Variants in ATG4B observed in about 807,000 individuals in gnomAD.
The protein encoded by ATG4B is cysteine protease ATG4B.
A neutral mutation model predicts 56.6 loss-of-function variants in ATG4B; 29 were observed. The ratio of observed to expected loss-of-function variants is 0.51; its 90% confidence interval spans 0.38 to 0.70. The LOEUF (loss-of-function observed/expected upper bound fraction) is 0.70, where lower values mean the gene tolerates loss of function less well. Among genes scored for constraint, ATG4B ranks in the 30% least tolerant of loss-of-function variants. The probability of loss-of-function intolerance (pLI) is 0.00; values close to 1 mark genes in which losing one functional copy is unlikely to be tolerated. For missense variants in ATG4B, 461 were observed against 515.5 expected (o/e 0.89, Z 1.02); for synonymous variants, 224 against 206.1 (o/e 1.09, Z -0.74).
intron 7 of ATG4B, among the ~76,000 whole-genome samples, chr2:241,663,454 A>C (rs1250119486): frequency 6.6e-6 from 1 of 152,198 alleles, no homozygotes. Context: ...TGCTGCCTGG[A>C]AATGTGAAAC....
chr2:241,670,663 C>T lies in ATG4B; in HGVS notation c.958-63C>T, dbSNP rs376210575. On this transcript the variant is annotated intron_variant, in intron 10 of 12. Coordinates refer to ENST00000404914, the MANE Select transcript of ATG4B (RefSeq NM_013325.5). ...CGCCACTGGCAGTGGGAATGGAAGC[C>T]CCCACCTCTTAGCCGACTGCAGATG... is the stretch of plus-strand genomic sequence containing the variant. 6 of 1,456,970 alleles carry T rather than the reference C, an allele frequency of 4.1e-6. No homozygotes were observed. In the African/African-American group the frequency reaches 8.4e-5, roughly 20 times the overall value. The allele number at this position is 1,456,970 out of a possible 1,614,324, so 90.3% of individuals were successfully genotyped here.
intron 11 of ATG4B, among the ~76,000 whole-genome samples, 162 bp from the exon 12 acceptor site, chr2:241,671,150 A>G (rs1190064668): frequency 6.6e-6 from 1 of 152,164 alleles, no homozygotes; most frequent in African/African-American, 2.4e-5. Flanking sequence ...TGATCACCAC[A>G]CTGGGTTCTC....
chr2:241,642,509 A>G (rs1343423048), intron 1 of ATG4B, among the ~76,000 whole-genome samples: 1 of 152,070 alleles, frequency 6.6e-6, no homozygotes, highest in African/African-American at 2.4e-5. Flanking sequence ...ATAACTTCTA[A>G]GTGTTTTAGG....
At chr2:241,660,033 T>C (rs865826793) in intron 7 of ATG4B, among the ~76,000 whole-genome samples, 18 of 151,942 alleles carry the variant, frequency 1.2e-4, no homozygotes, top group African/African-American at 3.9e-4. Flanking sequence ...CTACTAAAAA[T>C]ACAGAAACTA....
chr2:241,663,829 G>C (rs62190289), intron 7 of ATG4B, among the ~76,000 whole-genome samples: 5,304 of 143,144 alleles, frequency 0.037, 315 homozygotes, highest in African/African-American at 0.13. Flanking sequence ...TTTTTTTTTG[G>C]AACAGTTCTG....
chr2:241,651,312 A>G lies in ATG4B; in HGVS notation c.161A>G (p.Tyr54Cys). 1 of 1,601,506 alleles carries G rather than the reference A, an allele frequency of 6.2e-7. No homozygotes were observed. Among genetic ancestry groups the G allele is most frequent in the Non-Finnish European group, 8.5e-7 (1 of 1,173,508 alleles). Residue 54 changes from tyrosine (Y) to cysteine (C), a missense_variant, in exon 3 of 13, where the codon TAC (tyrosine) becomes TGC (cysteine). By Grantham distance (194) the Tyr-to-Cys change is radical (BLOSUM62 -2). Transcript: ENST00000404914. This position sits in a 1 kb window ranked among gnomAD's most constrained non-coding sequence, Gnocchi z 4.1. ...GTGGCATCTAGACTTTGGTTTACAT[A>G]CAGGAAAAACTTTCCAGCCATTGGT... ...SDVASRLWFT[Y>C]RKNFPAIGGT...
At chr2:241,650,778 C>T (rs1190160561) in intron 1 of ATG4B, among the ~76,000 whole-genome samples, 1 of 152,036 alleles carries the variant, frequency 6.6e-6, no homozygotes, top group Non-Finnish European at 1.5e-5. Flanking sequence ...CCCCACCTCC[C>T]TGTCCCCATA....
intron 1 of ATG4B, among the ~76,000 whole-genome samples, chr2:241,640,394 CCCT>C (rs1171580079): frequency 6.6e-6 from 1 of 152,198 alleles, no homozygotes; most frequent in African/African-American, 2.4e-5. Flanking sequence ...TAATGATCTG[CCCT>C]CCTTTGATCT....
In ATG4B at chr2:241,655,272, G is replaced by A. The variant is rs1439457308; in HGVS notation, c.387G>A (p.Ala129=). Residue 129 remains alanine (A), a splice_region_variant and synonymous_variant, in exon 6 of 13, where the codon GCG becomes GCA. Transcript: ENST00000404914. The part of the protein sequence containing the change: ...KDSYYSIHQI[A]QMGVGEGKSI... ...CTAATGTGTATCTGTTCCCTGCAGC[G>A]CAAATGGGAGTTGGCGAAGGCAAGT... 4.3e-6 allele frequency: 7 copies of A among 1,610,242 alleles called. No individual in the cohort carries two copies. Among genetic ancestry groups the A allele is most frequent in the South Asian group, 1.1e-5 (1 of 90,230 alleles).
chr2:241,669,363 G>A (rs2068884969), intron 10 of ATG4B, among the ~76,000 whole-genome samples: 1 of 152,202 alleles, frequency 6.6e-6, no homozygotes, highest in Non-Finnish European at 1.5e-5. Flanking sequence ...CCCCATTTAG[G>A]AGGAAGAAGG....
intron 12 of ATG4B, chr2:241,671,619 A>C (rs914831545): frequency 2.7e-6 from 4 of 1,486,726 alleles, no homozygotes; most frequent in Non-Finnish European, 3.6e-6. Context: ...CGTCTTCCCC[A>C]CCAGCGCTGC....
Position 241,670,718 on chromosome 2 carries a change from C to T in ATG4B, c.958-8C>T, listed in dbSNP as rs866966770. 1.2e-6 allele frequency: 2 copies of T among 1,608,046 alleles called. No homozygotes were observed. Among genetic ancestry groups the T allele is most frequent in the African/African-American group, 1.3e-5 (1 of 74,846 alleles). ...TGTCGTGTTCTGCTCATCGTCATTT[C>T]GTTTTAGGGGTTTTTCTGTAAGACT... On this transcript the variant is annotated splice_region_variant and splice_polypyrimidine_tract_variant and intron_variant, in intron 10 of 12. Transcript: ENST00000404914.
chr2:241,668,388 C>A lies in ATG4B; in HGVS notation c.812-152C>A, dbSNP rs1042208599. 7 of 1,368,408 alleles carry A rather than the reference C, an allele frequency of 5.1e-6. No homozygotes were observed. In the South Asian group the frequency reaches 7.5e-5, roughly 15 times the overall value. 84.8% of individuals were successfully genotyped at this position (1,368,408 alleles called of 1,614,324 possible). Reference sequence around the variant, plus strand: ...CGGGCGGCCTCCTGTGTGCCCCTTTCCCTGATGGTCTGGTGCCCTCGGCTC... The same window carrying A: ...CGGGCGGCCTCCTGTGTGCCCCTTTACCTGATGGTCTGGTGCCCTCGGCTC... On this transcript the variant is annotated intron_variant, in intron 9 of 12. Coordinates refer to ENST00000404914, the MANE Select transcript of ATG4B (RefSeq NM_013325.5). This position sits in a 1 kb window ranked among gnomAD's most constrained non-coding sequence, Gnocchi z 4.2.
At position 241,643,589 on chromosome 2, in the gene ATG4B, C is replaced by CAT. The variant is rs572390017; in HGVS notation, c.10+5875_10+5876dup. ...ATATATTTATTTATGTATATATGTACATATATATATAAACATATATATACG... is the reference window on the plus strand; with the variant it reads ...ATATATTTATTTATGTATATATGTACATATATATATATAAACATATATATACG... On this transcript the variant is annotated intron_variant, in intron 1 of 12. Transcript: ENST00000404914. 3.1e-3 allele frequency among the ~76,000 whole-genome samples: 451 copies of CAT among 147,760 alleles called. 2 individuals are homozygous for CAT. Among genetic ancestry groups the CAT allele is most frequent in the Non-Finnish European group, 5.3e-3 (356 of 67,290 alleles).
intron 10 of ATG4B, 189 bp from the exon 11 acceptor site, chr2:241,670,537 G>A (rs2068931933): frequency 1.6e-6 from 1 of 632,786 alleles, no homozygotes; most frequent in Non-Finnish European, 2.8e-6. Context: ...GGGCACTGGT[G>A]CAGGGGACCA....
intron 12 of ATG4B, 129 bp from the exon 13 acceptor site, chr2:241,672,062 C>T: frequency 6.8e-7 from 1 of 1,474,338 alleles, no homozygotes; most frequent in African/African-American, 1.4e-5. Flanking sequence ...CTGTTCACAC[C>T]CGCATGGGGA....
At chr2:241,670,558 A>G in intron 10 of ATG4B, 168 bp from the exon 11 acceptor site, 1 of 671,076 alleles carries the variant, frequency 1.5e-6, no homozygotes, top group East Asian at 2.7e-5. Flanking sequence ...TGCACAGGGC[A>G]CCCTCGGAGC....
rs544906898 is a variant in ATG4B at position 241,656,826 on chromosome 2, CTTT to C, written c.458+1486_458+1488del. Among the ~76,000 whole-genome samples the C allele has an allele frequency of 5.4e-3, 821 of 152,356 alleles. 4 individuals are homozygous for C. Among genetic ancestry groups the C allele is most frequent in the Non-Finnish European group, 7.7e-3 (525 of 68,032 alleles). Reference sequence around the variant, plus strand: ...AAATCTGGGATTGTTCTAGACCCCTCTTTTTGAGACGGAGTCTCGCTCTGTCGC... The same window carrying C: ...AAATCTGGGATTGTTCTAGACCCCTCTTGAGACGGAGTCTCGCTCTGTCGC... On this transcript the variant is annotated intron_variant, in intron 6 of 12. Coordinates refer to ENST00000404914, the MANE Select transcript of ATG4B (RefSeq NM_013325.5).
intron 7 of ATG4B, among the ~76,000 whole-genome samples, chr2:241,661,523 A>G (rs1422891288): frequency 1.3e-5 from 2 of 152,214 alleles, no homozygotes; most frequent in East Asian, 1.9e-4. Flanking sequence ...AGCCGAAGCT[A>G]GAGAAACAGA....
Sources: gnomAD v4.1 joint callset for allele counts (sites outside exome capture counted in the v4.1 genomes callset) on GRCh38, gnomAD v4.1.1 for gene constraint, Gnocchi (gnomAD v3.1) non-coding constraint, MANE v1.5 for transcripts, NCBI Gene and HGNC (gene_info 2026-07-23, HGNC 2026-07-21) for gene names.